The following NRG3 variants were observed in gnomAD, a reference collection of about 807,000 sequenced individuals.
NRG3 encodes the protein neuregulin 3.
A neutral mutation model predicts 66.9 loss-of-function variants in NRG3; 31 were observed. The ratio of observed to expected loss-of-function variants is 0.46; its 90% CI spans 0.35 to 0.63. NRG3 has a LOEUF of 0.63. Among genes scored for constraint, NRG3 ranks in the 20% least tolerant of loss-of-function variants. NRG3 has a pLI of 0.00. For missense variants in NRG3, 910 were observed against 878.9 expected (o/e 1.04, Z -0.45); for synonymous variants, 393 against 359.4 (o/e 1.09, Z -1.06).
chr10:82,709,305 A>AGGT (rs2056508078), intron 2 of NRG3, among the ~76,000 whole-genome samples: 1 of 151,888 alleles, frequency 6.6e-6, no homozygotes, highest in Admixed American at 6.6e-5. Flanking sequence ...CTATAATCCC[A>AGGT]GGTGTCGTTT....
At chr10:82,929,000 A>T (rs1847294166) in intron 4 of NRG3, among the ~76,000 whole-genome samples, 1 of 152,182 alleles carries the variant, frequency 6.6e-6, no homozygotes, top group Admixed American at 6.5e-5. Context: ...TGGAGGAAAA[A>T]CATGAACTAT....
chr10:82,620,273 T>C (rs1333760787), intron 2 of NRG3, among the ~76,000 whole-genome samples: 1 of 152,112 alleles, frequency 6.6e-6, no homozygotes, highest in African/African-American at 2.4e-5. Flanking sequence ...GTGACAGCCT[T>C]TTTTGGGTAC....
intron 1 of NRG3, among the ~76,000 whole-genome samples, chr10:81,882,426 A>G (rs1842261294): frequency 6.6e-6 from 1 of 152,112 alleles, no homozygotes; most frequent in South Asian, 2.1e-4. Flanking sequence ...TCTGTGTATG[A>G]TACATATATA....
chr10:82,130,353 A>T (rs1802931242), intron 1 of NRG3, among the ~76,000 whole-genome samples: 1 of 151,800 alleles, frequency 6.6e-6, no homozygotes, highest in Admixed American at 6.6e-5. Flanking sequence ...CATTAGGTAT[A>T]TTTCCTAATG....
At chr10:82,025,238 T>G (rs1209957454) in intron 1 of NRG3, among the ~76,000 whole-genome samples, 2 of 150,524 alleles carry the variant, frequency 1.3e-5, no homozygotes, top group African/African-American at 4.9e-5. Flanking sequence ...ATTAAATATC[T>G]TATTAATATT....
chr10:82,336,197 G>C (rs2135335010), intron 1 of NRG3, among the ~76,000 whole-genome samples: 1 of 152,124 alleles, frequency 6.6e-6, no homozygotes, highest in Admixed American at 6.5e-5. Flanking sequence ...TTTACTAGGT[G>C]TGTACCAAAA....
intron 2 of NRG3, among the ~76,000 whole-genome samples, chr10:82,578,475 T>TA (rs2046166100): frequency 6.6e-6 from 1 of 151,386 alleles, no homozygotes; most frequent in Non-Finnish European, 1.5e-5. Context: ...AACTTTATTT[T>TA]AAAAAACAGG....
intron 2 of NRG3, among the ~76,000 whole-genome samples, chr10:82,391,735 T>C (rs2086379637): frequency 6.6e-6 from 1 of 152,014 alleles, no homozygotes; most frequent in African/African-American, 2.4e-5. Context: ...GACTTATATG[T>C]GTGGAAGAAA....
At chr10:82,957,889 T>TGTGC (rs1194343322) in intron 5 of NRG3, among the ~76,000 whole-genome samples, 5 of 72,008 alleles carry the variant, frequency 6.9e-5, no homozygotes, top group South Asian at 1.4e-3. Flanking sequence ...TGCAAAGAGG[T>TGTGC]GTGCGTGTGT....
chr10:82,620,369 A>G (rs1052959687), intron 2 of NRG3, among the ~76,000 whole-genome samples: 2 of 152,092 alleles, frequency 1.3e-5, no homozygotes, highest in Non-Finnish European at 2.9e-5. Flanking sequence ...GAGGTAGATA[A>G]TTTTATTCAG....
intron 1 of NRG3, among the ~76,000 whole-genome samples, chr10:82,322,794 G>C (rs938496048): frequency 2.0e-5 from 3 of 152,122 alleles, no homozygotes; most frequent in Non-Finnish European, 4.4e-5. Context: ...AGTGTTGATT[G>C]TATTTCTTTA....
chr10:82,161,185 A>G (rs1301487429), intron 1 of NRG3, among the ~76,000 whole-genome samples: 1 of 152,116 alleles, frequency 6.6e-6, no homozygotes, highest in East Asian at 1.9e-4. Context: ...TTGAGCCTGG[A>G]GCCCCAGGAA....
chr10:82,083,817 G>T (rs1381067248), intron 1 of NRG3, among the ~76,000 whole-genome samples: 4 of 150,824 alleles, frequency 2.7e-5, no homozygotes, highest in African/African-American at 9.7e-5. Flanking sequence ...GGGTTTCGCT[G>T]TGTTGGTCAG....
intron 3 of NRG3, among the ~76,000 whole-genome samples, chr10:82,855,757 C>T (rs1444401989): frequency 6.6e-6 from 1 of 151,274 alleles, no homozygotes; most frequent in Admixed American, 6.6e-5. Context: ...AAAAAAAAAA[C>T]CCAGAACATG....
At chr10:81,939,195 A>C (rs764953818) in intron 1 of NRG3, among the ~76,000 whole-genome samples, 2 of 151,978 alleles carry the variant, frequency 1.3e-5, no homozygotes, top group Non-Finnish European at 2.9e-5. Flanking sequence ...GGATTTTTGC[A>C]TCAATATTTA....
intron 2 of NRG3, among the ~76,000 whole-genome samples, chr10:82,398,620 G>T (rs1042997727): frequency 6.6e-6 from 1 of 151,680 alleles, no homozygotes; most frequent in South Asian, 2.1e-4. Context: ...TTGAATTTAG[G>T]CATAGTAAGT....
intron 2 of NRG3, among the ~76,000 whole-genome samples, chr10:82,501,761 C>T (rs1403710192): frequency 1.3e-5 from 2 of 152,170 alleles, no homozygotes; most frequent in African/African-American, 4.8e-5. Context: ...AATTCTCTAA[C>T]CACCAAAAAT....
intron 1 of NRG3, among the ~76,000 whole-genome samples, chr10:82,064,442 T>C (rs1266956983): frequency 1.3e-5 from 2 of 152,070 alleles, no homozygotes; most frequent in African/African-American, 4.8e-5. Context: ...ACATTTTAAA[T>C]AATCATTTGC....
intron 1 of NRG3, among the ~76,000 whole-genome samples, chr10:81,935,103 A>G (rs761090748): frequency 3.3e-5 from 5 of 152,366 alleles, no homozygotes; most frequent in East Asian, 1.9e-4. Flanking sequence ...AAAGATTCCC[A>G]GAGACTGCTA....
Sources: gnomAD v4.1 joint callset for allele counts (sites outside exome capture counted in the v4.1 genomes callset) on GRCh38, gnomAD v4.1.1 for gene constraint, MANE v1.5 for transcripts, NCBI Gene and HGNC (gene_info 2026-07-23, HGNC 2026-07-21) for gene names.